RALGAPA1: variants seen among roughly 807,000 people sequenced by gnomAD.
RALGAPA1 encodes Ral GTPase activating protein catalytic subunit alpha 1.
RALGAPA1 carries 52 observed loss-of-function variants against 269.6 expected under a neutral mutation model. The ratio of observed to expected loss-of-function variants is 0.19; its 90% CI spans 0.15 to 0.24. The LOEUF is 0.24. Among genes scored for constraint, RALGAPA1 ranks in the 10% least tolerant of loss-of-function variants. The probability of loss-of-function intolerance (pLI) is 1.00; values close to 1 mark genes in which losing one functional copy is unlikely to be tolerated. For missense variants in RALGAPA1, 1,917 were observed against 3,013.9 expected (o/e 0.64, Z 8.52); for synonymous variants, 817 against 1,008.3 (o/e 0.81, Z 3.60).
At chr14:35,725,181 T>C (rs2069782261) in intron 13 of RALGAPA1, 28 bp from the exon 14 acceptor site, 3 of 1,500,454 alleles carry the variant, frequency 2.0e-6, no homozygotes, top group South Asian at 2.9e-5. Context: ...GATTAATGTT[T>C]CCTTCTTGCA....
chr14:35,715,687 T>C (rs2068752689), intron 16 of RALGAPA1: 6 of 979,602 alleles, frequency 6.1e-6, no homozygotes, highest in Non-Finnish European at 7.3e-6. Flanking sequence ...CTTGTACAAC[T>C]GTCAGGAAGC....
intron 10 of RALGAPA1, among the ~76,000 whole-genome samples, chr14:35,743,700 A>C (rs1458723151): frequency 6.6e-6 from 1 of 152,144 alleles, no homozygotes. Context: ...TGATTTTAAA[A>C]TAAAAATTAA....
chr14:35,671,630 G>A, intron 25 of RALGAPA1, 113 bp from the exon 26 acceptor site: 1 of 502,542 alleles, frequency 2.0e-6, no homozygotes. Flanking sequence ...GGTAATTACT[G>A]TACATTGGCT....
intron 39 of RALGAPA1, among the ~76,000 whole-genome samples, chr14:35,563,871 GTA>G (rs2056488270): frequency 6.6e-6 from 1 of 152,074 alleles, no homozygotes; most frequent in Non-Finnish European, 1.5e-5. Flanking sequence ...GAGTGCAATG[GTA>G]TGATCTCGGC....
At chr14:35,735,322 A>G (rs570511864) in intron 12 of RALGAPA1, among the ~76,000 whole-genome samples, 1 of 152,358 alleles carries the variant, frequency 6.6e-6, no homozygotes, top group East Asian at 1.9e-4. Flanking sequence ...ATACCCATCA[A>G]TCAACGAGTG....
intron 17 of RALGAPA1, among the ~76,000 whole-genome samples, chr14:35,697,942 A>T (rs1240246913): frequency 6.6e-6 from 1 of 152,210 alleles, no homozygotes; most frequent in Admixed American, 6.5e-5. Flanking sequence ...AGCATAAAAA[A>T]CTGGCAGTAA....
intron 7 of RALGAPA1, among the ~76,000 whole-genome samples, chr14:35,755,572 A>G (rs1595442172): frequency 6.6e-6 from 1 of 152,214 alleles, no homozygotes; most frequent in Non-Finnish European, 1.5e-5. Context: ...AGTATTTTTA[A>G]AGAAAAATTA....
Position 35,539,604 on chromosome 14 carries a change from T to C in RALGAPA1, c.*110A>G. ...TTCATGGACATGCGGCTTTTGCTAG[T>C]TCGAGGAGACATTGGAGAGGCCAGG... is the stretch of plus-strand genomic sequence containing the variant. On this transcript the variant is annotated 3_prime_UTR_variant, in exon 42 of 42. Coordinates refer to ENST00000680220, the MANE Select transcript of RALGAPA1 (RefSeq NM_001346249.2). 7 of 1,614,004 alleles carry C rather than the reference T, an allele frequency of 4.3e-6. No individual in the cohort carries two copies. The highest frequency in any genetic ancestry group is 5.9e-6 in the Non-Finnish European group (7 of 1,180,014).
At chr14:35,622,760 T>C (rs1219017905) in intron 35 of RALGAPA1, among the ~76,000 whole-genome samples, 1 of 152,136 alleles carries the variant, frequency 6.6e-6, no homozygotes, top group Non-Finnish European at 1.5e-5. Flanking sequence ...TCAAAATGAA[T>C]AAAGAATTAA....
intron 1 of RALGAPA1, among the ~76,000 whole-genome samples, chr14:35,781,579 T>A (rs1310677875): frequency 4.2e-3 from 1 of 240 alleles, no homozygotes; most frequent in Non-Finnish European, 6.4e-3. Context: ...AAACTGAATC[T>A]ATCTATCTAT....
chr14:35,600,051 CA>C (rs1383098917), intron 36 of RALGAPA1, among the ~76,000 whole-genome samples: 5 of 151,832 alleles, frequency 3.3e-5, no homozygotes, highest in African/African-American at 1.2e-4. Flanking sequence ...AAGTTTTCAG[CA>C]CTTTCTTCAA....
At chr14:35,666,257 C>CT (rs200072974) in intron 26 of RALGAPA1, among the ~76,000 whole-genome samples, 6,686 of 149,492 alleles carry the variant, frequency 0.045, 393 homozygotes, top group South Asian at 0.15. Flanking sequence ...ACACAATTAT[C>CT]TTTTTTTTTT....
At chr14:35,724,304 T>C (rs1233422163) in intron 14 of RALGAPA1, among the ~76,000 whole-genome samples, 8 of 152,054 alleles carry the variant, frequency 5.3e-5, no homozygotes, top group Admixed American at 5.2e-4. Flanking sequence ...GGCTAATATA[T>C]GAAAAAAAAC....
At chr14:35,707,542 T>C (rs2067914220) in intron 16 of RALGAPA1, 1 of 152,222 alleles carries the variant, frequency 6.6e-6, no homozygotes, top group Admixed American at 6.5e-5. Flanking sequence ...AAATGTTTTT[T>C]CTGCATCTAT....
chr14:35,543,070 G>A (rs2054152709), intron 41 of RALGAPA1, among the ~76,000 whole-genome samples: 19 of 152,138 alleles, frequency 1.2e-4, no homozygotes, highest in Admixed American at 9.8e-4. Context: ...GAACTCCAGC[G>A]ACGATGTGAT....
intron 41 of RALGAPA1, among the ~76,000 whole-genome samples, chr14:35,543,810 T>G (rs1219205837): frequency 1.3e-5 from 2 of 152,154 alleles, no homozygotes; most frequent in African/African-American, 4.8e-5. Context: ...GCCCAGCTAA[T>G]TTTTGTGTTT....
At chr14:35,708,265 T>C (rs2067982650) in intron 16 of RALGAPA1, among the ~76,000 whole-genome samples, 1 of 152,092 alleles carries the variant, frequency 6.6e-6, no homozygotes, top group African/African-American at 2.4e-5. Context: ...GATGACATCA[T>C]GTTAAAAACC....
At chr14:35,788,026 C>G (rs2075912962) in intron 1 of RALGAPA1, among the ~76,000 whole-genome samples, 1 of 152,118 alleles carries the variant, frequency 6.6e-6, no homozygotes, top group African/African-American at 2.4e-5. Context: ...GGCTGGAGTG[C>G]AGTGGTGTGA....
chr14:35,614,985 C>T (rs1277441155), intron 35 of RALGAPA1, among the ~76,000 whole-genome samples: 2 of 152,056 alleles, frequency 1.3e-5, no homozygotes, highest in African/African-American at 4.8e-5. Flanking sequence ...CAGAGTTCAG[C>T]TGCCCTTTAT....
Sources: gnomAD v4.1 joint callset for allele counts (sites outside exome capture counted in the v4.1 genomes callset) on GRCh38, gnomAD v4.1.1 for gene constraint, MANE v1.5 for transcripts, NCBI Gene and HGNC (gene_info 2026-07-23, HGNC 2026-07-21) for gene names.